Variants in PCDH15 observed in about 807,000 individuals in gnomAD.
PCDH15 encodes protocadherin-15.
Under a neutral mutation model 178.5 loss-of-function variants are expected in PCDH15, and 129 were observed. The observed-to-expected ratio is 0.72, with a 90% CI of 0.63 to 0.84. The LOEUF (loss-of-function observed/expected upper bound fraction) is 0.84. Among genes scored for constraint, PCDH15 ranks in the 40% least tolerant of loss-of-function variants. The pLI is 0.00. For synonymous variants in PCDH15, 800 were observed against 732.0 expected (o/e 1.09, Z -1.50); for missense variants, 2,230 against 2,099.9 (o/e 1.06, Z -1.21).
chr10:55,144,209 T>C (rs1262482277), intron 2 of PCDH15, among the ~76,000 whole-genome samples: 1 of 151,958 alleles, frequency 6.6e-6, no homozygotes, highest in Admixed American at 6.6e-5. Context: ...AATGGATATA[T>C]ACAAGCTTGT....
chr10:54,408,767 G>C (rs1953042964), intron 3 of PCDH15, among the ~76,000 whole-genome samples: 1 of 152,174 alleles, frequency 6.6e-6, no homozygotes, highest in Admixed American at 6.6e-5. Flanking sequence ...GAAGGGGACA[G>C]GTGTTACACT....
chr10:53,911,506 A>G (rs2083084495), intron 25 of PCDH15, among the ~76,000 whole-genome samples: 1 of 152,232 alleles, frequency 6.6e-6, no homozygotes, highest in Non-Finnish European at 1.5e-5. Context: ...AAGAGAAAGC[A>G]GGAAAGATCT....
At chr10:54,946,226 C>A (rs1329009856) in intron 2 of PCDH15, among the ~76,000 whole-genome samples, 1 of 151,628 alleles carries the variant, frequency 6.6e-6, no homozygotes, top group Non-Finnish European at 1.5e-5. Context: ...ATATCACAGC[C>A]CAGGGTATAG....
intron 2 of PCDH15, among the ~76,000 whole-genome samples, chr10:55,522,535 T>A (rs187966624): frequency 1.4e-3 from 217 of 151,936 alleles, no homozygotes; most frequent in African/African-American, 4.7e-3. Context: ...TATTATATTC[T>A]CTTAATGATT....
chr10:54,922,145 A>G (rs1035099803), intron 2 of PCDH15, among the ~76,000 whole-genome samples: 1 of 152,114 alleles, frequency 6.6e-6, no homozygotes, highest in Non-Finnish European at 1.5e-5. Flanking sequence ...GTCCTTCCCA[A>G]GTCTCATGTC....
chr10:53,822,260 A>C, intron 32 of PCDH15: 1 of 1,613,780 alleles, frequency 6.2e-7, no homozygotes, highest in South Asian at 1.1e-5. Context: ...GAATAGAAGG[A>C]GGTGGTGGAG....
chr10:54,557,802 G>T (rs1279561160), intron 2 of PCDH15, among the ~76,000 whole-genome samples: 2 of 152,016 alleles, frequency 1.3e-5, no homozygotes, highest in African/African-American at 4.8e-5. Flanking sequence ...ACAAGACAAG[G>T]TGATAAATCT....
At chr10:54,823,942 GACAA>G (rs879759077) in intron 3 of PCDH15, among the ~76,000 whole-genome samples, 2 of 152,016 alleles carry the variant, frequency 1.3e-5, no homozygotes, top group Admixed American at 6.6e-5. Flanking sequence ...TAACAGAAAA[GACAA>G]ACAAATTTAT....
upstream of PCDH15, among the ~76,000 whole-genome samples, chr10:54,804,368 T>C (rs1193043278): frequency 6.6e-6 from 1 of 152,302 alleles, no homozygotes; most frequent in South Asian, 2.1e-4. Flanking sequence ...TGAAGACAAA[T>C]AGTATACATT....
At chr10:55,277,000 T>C (rs1842612381) in intron 1 of PCDH15, among the ~76,000 whole-genome samples, 1 of 152,040 alleles carries the variant, frequency 6.6e-6, no homozygotes, top group Admixed American at 6.6e-5. Flanking sequence ...GTGTTCCTGC[T>C]TTCACTTTGT....
At chr10:54,414,033 C>T (rs1285722139) in intron 3 of PCDH15, among the ~76,000 whole-genome samples, 2 of 152,108 alleles carry the variant, frequency 1.3e-5, no homozygotes, top group Non-Finnish European at 2.9e-5. Context: ...CTCACTACTA[C>T]ACAATATATA....
rs769592412 is a variant in PCDH15 at position 55,369,756 on chromosome 10, A to C, written c.-155-203105T>G. On this transcript the variant is annotated intron_variant, in intron 2 of 5. Coordinates refer to the PCDH15 transcript ENST00000613346. ...TAATGCCTTGCCTTACTTATTCAACAGTCATGCCTCATAACCCAGAATAAA... is the reference window on the plus strand; with the variant it reads ...TAATGCCTTGCCTTACTTATTCAACCGTCATGCCTCATAACCCAGAATAAA... Among the ~76,000 whole-genome samples, 101 of 152,052 alleles carry C rather than the reference A, an allele frequency of 6.6e-4. 1 individual carries two copies. Among genetic ancestry groups the C allele is most frequent in the Non-Finnish European group, 1.3e-3 (86 of 67,942 alleles).
chr10:55,539,831 G>A (rs1436586696), intron 2 of PCDH15, among the ~76,000 whole-genome samples: 1 of 152,008 alleles, frequency 6.6e-6, no homozygotes, highest in Admixed American at 6.6e-5. Context: ...CATAATAAGA[G>A]AAAAAACATT....
In PCDH15 at chr10:54,453,730, C is replaced by A. The variant is rs572880621; in HGVS notation, c.157+74082G>T. On this transcript the variant is annotated intron_variant, in intron 3 of 37. Coordinates refer to ENST00000644397, the MANE Select transcript of PCDH15 (RefSeq NM_001384140.1). ...GAAGCACACAAAGAAGAAGGTCATG[C>A]AAAGAAGGAGGCAGAGATAGGAAGA... Among the ~76,000 whole-genome samples the A allele has an allele frequency of 2.7e-3, 407 of 151,314 alleles. 1 individual carries two copies. The highest frequency in any genetic ancestry group is 9.7e-3 in the African/African-American group (399 of 41,250).
intron 2 of PCDH15, among the ~76,000 whole-genome samples, chr10:54,642,963 C>G (rs1281361382): frequency 6.6e-6 from 1 of 152,160 alleles, no homozygotes; most frequent in Non-Finnish European, 1.5e-5. Flanking sequence ...CGCTCTCTGT[C>G]CCAGGCTGGA....
intron 2 of PCDH15, among the ~76,000 whole-genome samples, chr10:55,020,802 A>G (rs1481438850): frequency 6.6e-6 from 1 of 152,190 alleles, no homozygotes; most frequent in Non-Finnish European, 1.5e-5. Context: ...AAAATTTACC[A>G]TGACAATGTA....
chr10:54,491,751 C>T (rs549103876), intron 3 of PCDH15, among the ~76,000 whole-genome samples: 1 of 152,224 alleles, frequency 6.6e-6, no homozygotes, highest in South Asian at 2.1e-4. Flanking sequence ...CAAAGTGAAA[C>T]TGACTAGGTT....
chr10:55,067,372 C>T (rs1841593274), intron 2 of PCDH15, among the ~76,000 whole-genome samples: 2 of 151,946 alleles, frequency 1.3e-5, no homozygotes, highest in South Asian at 4.1e-4. Context: ...CTTAATATAA[C>T]CTCCAGTTCC....
intron 1 of PCDH15, among the ~76,000 whole-genome samples, chr10:54,673,856 A>C (rs7917474): frequency 0.51 from 77,454 of 152,066 alleles, 20,640 homozygotes; most frequent in Non-Finnish European, 0.6. Flanking sequence ...ATATAGCTTT[A>C]ATATGTACTT....
Sources: gnomAD v4.1 joint callset for allele counts (sites outside exome capture counted in the v4.1 genomes callset) on GRCh38, gnomAD v4.1.1 for gene constraint, MANE v1.5 for transcripts, NCBI Gene and HGNC (gene_info 2026-07-23, HGNC 2026-07-21) for gene names.